Variants in TMOD1 observed in about 807,000 individuals in gnomAD.
TMOD1 encodes the protein tropomodulin 1.
A neutral mutation model predicts 40.6 loss-of-function variants in TMOD1; 17 were observed. That is an observed-to-expected ratio of 0.42 (90% CI 0.29 to 0.63). The LOEUF (loss-of-function observed/expected upper bound fraction) is 0.63. Among genes scored for constraint, TMOD1 ranks in the 20% least tolerant of loss-of-function variants. TMOD1 has a pLI of 0.22. For missense variants in TMOD1, 391 were observed against 447.6 expected (o/e 0.87, Z 1.14); for synonymous variants, 181 against 175.0 (o/e 1.03, Z -0.27).
At chr9:97,521,036 TATG>T (rs1170782540) in intron 1 of TMOD1, among the ~76,000 whole-genome samples, 1 of 152,182 alleles carries the variant, frequency 6.6e-6, no homozygotes, top group Admixed American at 6.5e-5. Flanking sequence ...AGGTAACAAG[TATG>T]AGACACTCCC....
intron 1 of TMOD1, among the ~76,000 whole-genome samples, chr9:97,507,816 G>T (rs1391914963): frequency 6.6e-6 from 1 of 152,142 alleles, no homozygotes; most frequent in African/African-American, 2.4e-5. Flanking sequence ...TCTGATAGTA[G>T]AAGGAAGAAC....
intron 8 of TMOD1, among the ~76,000 whole-genome samples, chr9:97,580,891 A>G (rs567039337): frequency 6.6e-6 from 1 of 150,750 alleles, no homozygotes; most frequent in South Asian, 2.1e-4. Context: ...AATGTTATAT[A>G]TATAATGTTA....
chr9:97,562,663 G>C (rs762377062), intron 4 of TMOD1, 69 bp from the exon 5 acceptor site: 4 of 1,178,806 alleles, frequency 3.4e-6, no homozygotes, highest in South Asian at 1.7e-5. Context: ...CCGGGGTTTG[G>C]AGTGTGGGTC....
At chr9:97,587,835 A>G (rs762192165) in intron 8 of TMOD1, among the ~76,000 whole-genome samples, 4 of 152,192 alleles carry the variant, frequency 2.6e-5, no homozygotes, top group East Asian at 1.9e-4. Flanking sequence ...TTTCATATCA[A>G]TGGAATCATA....
chr9:97,548,732 CA>C (rs1380819985), intron 3 of TMOD1, among the ~76,000 whole-genome samples: 1 of 152,160 alleles, frequency 6.6e-6, no homozygotes, highest in Non-Finnish European at 1.5e-5. Context: ...CCAGGCTGAC[CA>C]AGGAGAATAG....
At chr9:97,525,003 C>T (rs562546473) in intron 2 of TMOD1, among the ~76,000 whole-genome samples, 1 of 152,270 alleles carries the variant, frequency 6.6e-6, no homozygotes, top group African/African-American at 2.4e-5. Context: ...CAAGTTGACA[C>T]CCAAAATTAA....
In TMOD1 at chr9:97,600,831, G is replaced by T; in HGVS notation, c.*1133G>T. On this transcript the variant is annotated 3_prime_UTR_variant, in exon 10 of 10. Coordinates refer to ENST00000259365, the MANE Select transcript of TMOD1 (RefSeq NM_003275.4). Reference sequence around the variant, plus strand: ...CAGATCTCTTTTTAACATCATGTGCGTCTCTTGGGATCCAGCAAAAGTGTT... The same window carrying T: ...CAGATCTCTTTTTAACATCATGTGCTTCTCTTGGGATCCAGCAAAAGTGTT... 1 of 1,072,826 alleles carries T rather than the reference G, an allele frequency of 9.3e-7. No homozygotes were observed. The highest frequency in any genetic ancestry group is 1.1e-6 in the Non-Finnish European group (1 of 879,128). The allele number at this position is 1,072,826 out of a possible 1,614,324, so 66.5% of individuals were successfully genotyped here.
At position 97,542,849 on chromosome 9, in the gene TMOD1, C is replaced by CAAAA. The variant is rs35096378; in HGVS notation, c.121-3321_121-3318dup. Among the ~76,000 whole-genome samples the CAAAA allele has an allele frequency of 5.1e-4, 51 of 99,966 alleles. 1 individual carries two copies. Among genetic ancestry groups the CAAAA allele is most frequent in the East Asian group, 3.2e-3 (12 of 3,704 alleles). The allele number at this position is 99,966 out of a possible 152,430, so 65.6% of individuals were successfully genotyped here. On this transcript the variant is annotated intron_variant, in intron 2 of 9. Transcript: ENST00000259365. ...TGGGCAACAAAGTGAGACTCCATCT[C>CAAAA]AAAAAAAAAAAAAAAAAAGGAAGAA...
At chr9:97,511,827 C>T (rs544985421) in intron 1 of TMOD1, among the ~76,000 whole-genome samples, 14 of 138,208 alleles carry the variant, frequency 1.0e-4, no homozygotes, top group African/African-American at 3.2e-4. Context: ...TCAAGCGATC[C>T]GCCTGCCTCT....
chr9:97,537,101 G>A (rs1830196018), intron 2 of TMOD1, among the ~76,000 whole-genome samples: 1 of 152,172 alleles, frequency 6.6e-6, no homozygotes, highest in South Asian at 2.1e-4. Flanking sequence ...CAAGCTATGT[G>A]ACTTTGGGCC....
intron 8 of TMOD1, among the ~76,000 whole-genome samples, chr9:97,575,174 C>A (rs1335387433): frequency 6.6e-6 from 1 of 152,180 alleles, no homozygotes; most frequent in Non-Finnish European, 1.5e-5. Context: ...AGGTCTGCAG[C>A]TTCACTCCTG....
chr9:97,517,743 C>G (rs1326088781), intron 1 of TMOD1: 4 of 152,912 alleles, frequency 2.6e-5, no homozygotes, highest in Non-Finnish European at 5.8e-5. Flanking sequence ...TCAAGGAGAC[C>G]TGGGAGGATT....
At chr9:97,538,026 T>C (rs1403675452) in intron 2 of TMOD1, among the ~76,000 whole-genome samples, 1 of 152,172 alleles carries the variant, frequency 6.6e-6, no homozygotes, top group East Asian at 1.9e-4. Context: ...ATCAAGAGGT[T>C]TCACACAAAA....
chr9:97,563,362 A>G (rs183828422), intron 5 of TMOD1, among the ~76,000 whole-genome samples: 1 of 152,232 alleles, frequency 6.6e-6, no homozygotes, highest in African/African-American at 2.4e-5. Context: ...CTTATATTCA[A>G]CTTCTTAATC....
chr9:97,594,069 C>A (rs1011772887), intron 9 of TMOD1, among the ~76,000 whole-genome samples: 9 of 152,044 alleles, frequency 5.9e-5, no homozygotes, highest in African/African-American at 2.2e-4. Context: ...AGCTCAGGGG[C>A]CTGGCGATGG....
At chr9:97,537,267 T>C (rs139842132) in intron 2 of TMOD1, among the ~76,000 whole-genome samples, 2 of 152,378 alleles carry the variant, frequency 1.3e-5, no homozygotes, top group Non-Finnish European at 2.9e-5. Context: ...CGTGCATGCA[T>C]GTGCACGTGT....
At chr9:97,573,796 A>C (rs1830860330) in intron 8 of TMOD1, among the ~76,000 whole-genome samples, 1 of 152,180 alleles carries the variant, frequency 6.6e-6, no homozygotes. Flanking sequence ...AAGTCAGAGA[A>C]AAAAGAAAGC....
At position 97,508,338 on chromosome 9, in the gene TMOD1, A is replaced by G. The variant is rs551956834; in HGVS notation, c.-49+6535A>G. 9.2e-5 allele frequency among the ~76,000 whole-genome samples: 14 copies of G among 151,972 alleles called. No individual in the cohort carries two copies. In the South Asian group the frequency reaches 2.9e-3, roughly 32 times the overall value. ...CGAGTAGCTGGGACTACAGGTGCAC[A>G]CCACCACACCTGGCAAATTTTTGTA... On this transcript the variant is annotated intron_variant, in intron 1 of 9. Transcript: ENST00000259365.
intron 1 of TMOD1, among the ~76,000 whole-genome samples, chr9:97,520,945 G>A (rs1829905747): frequency 6.6e-6 from 1 of 152,134 alleles, no homozygotes; most frequent in African/African-American, 2.4e-5. Context: ...CGGCCTGGCT[G>A]GTCCATTCTC....
Sources: allele counts gnomAD v4.1 joint callset (sites outside exome capture counted in the v4.1 genomes callset), GRCh38; gene constraint gnomAD v4.1.1; transcripts MANE v1.5; gene names NCBI Gene and HGNC (gene_info 2026-07-23, HGNC 2026-07-21).